The following COL15A1 variants were observed in gnomAD, a reference collection of about 807,000 sequenced individuals.
COL15A1 encodes collagen alpha-1(XV) chain.
A neutral mutation model predicts 165.9 loss-of-function variants in COL15A1; 111 were observed. The observed-to-expected ratio is 0.67, with a 90% CI of 0.57 to 0.78. COL15A1 has a LOEUF of 0.78. Ranked by LOEUF, COL15A1 falls within the 30% of genes least tolerant of loss-of-function variation. The pLI is 0.00. For missense variants in COL15A1, 1,745 were observed against 1,789.7 expected (o/e 0.98, Z 0.45); for synonymous variants, 659 against 674.8 (o/e 0.98, Z 0.36).
chr9:98,970,474 A>G (rs1838029471), intron 2 of COL15A1, among the ~76,000 whole-genome samples: 1 of 152,202 alleles, frequency 6.6e-6, no homozygotes, highest in Non-Finnish European at 1.5e-5. Context: ...TGAGCCCTTA[A>G]GGGGGTAGCA....
chr9:99,064,465 G>A (rs958303842), intron 39 of COL15A1, among the ~76,000 whole-genome samples: 3 of 152,198 alleles, frequency 2.0e-5, no homozygotes, highest in African/African-American at 7.2e-5. Flanking sequence ...GGAAGGAATA[G>A]GTTCTGAAGG....
At chr9:98,967,234 G>A (rs892780059) in intron 2 of COL15A1, among the ~76,000 whole-genome samples, 2 of 152,136 alleles carry the variant, frequency 1.3e-5, no homozygotes, top group Admixed American at 6.5e-5. Flanking sequence ...TGGAATGGGG[G>A]TTCCTAGGGA....
intron 9 of COL15A1, among the ~76,000 whole-genome samples, chr9:99,006,652 C>T (rs1838768292): frequency 6.7e-6 from 1 of 150,060 alleles, no homozygotes; most frequent in Non-Finnish European, 1.5e-5. Flanking sequence ...GTTGCCCTTT[C>T]CTTTCTCCTC....
chr9:99,008,237 AC>A (rs1838795183), intron 9 of COL15A1, among the ~76,000 whole-genome samples: 1 of 152,174 alleles, frequency 6.6e-6, no homozygotes. Flanking sequence ...TGAAGGCCTC[AC>A]CTTGAGGTCT....
At position 99,041,876 on chromosome 9, in the gene COL15A1, A is replaced by G. The variant is rs115853912; in HGVS notation, c.2512-169A>G. On this transcript the variant is annotated intron_variant, in intron 23 of 41. Transcript: ENST00000375001. ...AGTGCTATCTTCTTTCTGCCAGACC[A>G]CAGTTTCTGGACCACTTAAGGTTAA... 2.8e-3 allele frequency among the ~76,000 whole-genome samples: 429 copies of G among 152,356 alleles called. 2 individuals are homozygous for G. Among genetic ancestry groups the G allele is most frequent in the African/African-American group, 9.2e-3 (384 of 41,582 alleles).
chr9:98,981,054 T>C (rs989393), intron 2 of COL15A1, among the ~76,000 whole-genome samples: 54,207 of 151,952 alleles, frequency 0.36, 10,139 homozygotes, highest in East Asian at 0.49. Context: ...TATAAGGGAG[T>C]CCGTGGCAGT....
intron 16 of COL15A1, among the ~76,000 whole-genome samples, chr9:99,027,422 A>G (rs2119025727): frequency 6.6e-6 from 1 of 152,356 alleles, no homozygotes; most frequent in South Asian, 2.1e-4. Flanking sequence ...TCTCAGAAAA[A>G]GATACAATTG....
At chr9:98,970,501 G>C (rs552552685) in intron 2 of COL15A1, among the ~76,000 whole-genome samples, 2 of 152,330 alleles carry the variant, frequency 1.3e-5, no homozygotes, top group African/African-American at 4.8e-5. Flanking sequence ...GACAGTGTGG[G>C]CTTCAGACTT....
intron 21 of COL15A1, among the ~76,000 whole-genome samples, chr9:99,038,215 G>GC (rs1307646027): frequency 6.6e-6 from 1 of 152,160 alleles, no homozygotes; most frequent in Non-Finnish European, 1.5e-5. Flanking sequence ...CCTTTGGATG[G>GC]CTCTTTGGCA....
intron 11 of COL15A1, among the ~76,000 whole-genome samples, chr9:99,019,981 C>T (rs965180775): frequency 2.0e-5 from 3 of 152,130 alleles, no homozygotes; most frequent in Non-Finnish European, 4.4e-5. Context: ...ATTAGCAAAG[C>T]CCACACTGGT....
At chr9:98,996,405 T>C (rs1031113456) in intron 5 of COL15A1, among the ~76,000 whole-genome samples, 14 of 152,348 alleles carry the variant, frequency 9.2e-5, no homozygotes, top group Non-Finnish European at 1.9e-4. Flanking sequence ...GTTTTGTTTG[T>C]TTGCTTTTCT....
intron 9 of COL15A1, among the ~76,000 whole-genome samples, chr9:99,008,906 G>T (rs1263999682): frequency 6.6e-6 from 1 of 152,196 alleles, no homozygotes; most frequent in Admixed American, 6.5e-5. Context: ...CACTGCGCCT[G>T]GCTACTCAAT....
rs1839552728 is a variant in COL15A1 at position 99,049,750 on chromosome 9, A to T, written c.2854A>T (p.Ile952Phe). ...PPGPPGAVINIKGAIFPIPVR... is the reference protein window; with the variant it reads ...PPGPPGAVINFKGAIFPIPVR... The stretch of plus-strand genomic sequence containing the variant: ...TGGGCCACCTGGAGCTGTGATTAAC[A>T]TCAAAGGAGTAAGTTGGCACGCAGT... Residue 952 changes from isoleucine (I) to phenylalanine (F), a missense_variant, in exon 29 of 42, where the codon ATC (isoleucine) becomes TTC (phenylalanine). Physicochemically the swap from Ile to Phe is conservative, Grantham distance 21. Transcript: ENST00000375001. The T allele has an allele frequency of 1.9e-6, 3 of 1,614,232 alleles. No homozygotes were observed. The East Asian group carries it at 6.7e-5, about 36-fold the overall frequency.
At position 99,062,339 on chromosome 9, in the gene COL15A1, C is replaced by T. The variant is rs775713695; in HGVS notation, c.3591+35C>T. 2.1e-6 allele frequency: 3 copies of T among 1,449,800 alleles called. No homozygotes were observed. The South Asian group carries it at 3.4e-5, about 17-fold the overall frequency. The allele number at this position is 1,449,800 out of a possible 1,614,324, so 89.8% of individuals were successfully genotyped here. A position where few individuals can be genotyped will look rare whatever the true frequency, so the allele number is the denominator to read the frequency against. Reference sequence around the variant, plus strand: ...TACCCTGTTGGACTGCTCATGCATTCATTTATCAGCATTTCCTGAGTCCTC... The same window carrying T: ...TACCCTGTTGGACTGCTCATGCATTTATTTATCAGCATTTCCTGAGTCCTC... On this transcript the variant is annotated intron_variant, in intron 38 of 41. Coordinates refer to ENST00000375001, the MANE Select transcript of COL15A1 (RefSeq NM_001855.5).
intron 2 of COL15A1, among the ~76,000 whole-genome samples, chr9:98,961,448 G>T (rs1458379611): frequency 6.6e-5 from 10 of 152,226 alleles, no homozygotes; most frequent in Non-Finnish European, 1.3e-4. Context: ...GATCTGAGGG[G>T]TGAACAGATT....
intron 2 of COL15A1, among the ~76,000 whole-genome samples, chr9:98,959,058 T>G (rs1268529187): frequency 1.3e-5 from 2 of 151,606 alleles, no homozygotes; most frequent in Non-Finnish European, 2.9e-5. Flanking sequence ...GCTGAGAAAT[T>G]TTTCATACCT....
chr9:98,997,965 C>A (rs757541796), intron 6 of COL15A1: 9 of 152,204 alleles, frequency 5.9e-5, no homozygotes, highest in Non-Finnish European at 1.3e-4. Flanking sequence ...CGGCCAAATT[C>A]TATTTCATTC....
chr9:99,046,704 A>G (rs754132401), intron 26 of COL15A1, among the ~76,000 whole-genome samples: 11 of 152,196 alleles, frequency 7.2e-5, no homozygotes, highest in Non-Finnish European at 1.3e-4. Flanking sequence ...ATCTGCCTCC[A>G]TGATTCGATT....
intron 39 of COL15A1, among the ~76,000 whole-genome samples, 165 bp from the exon 40 acceptor site, chr9:99,066,717 C>T (rs1825900400): frequency 6.8e-6 from 1 of 146,556 alleles, no homozygotes; most frequent in South Asian, 2.2e-4. Flanking sequence ...CGGAAATGGT[C>T]AGGCAGAGAC....
Sources: allele counts gnomAD v4.1 joint callset (sites outside exome capture counted in the v4.1 genomes callset), GRCh38; gene constraint gnomAD v4.1.1; transcripts MANE v1.5; gene names NCBI Gene and HGNC (gene_info 2026-07-23, HGNC 2026-07-21).